DST: variants seen among roughly 807,000 people sequenced by gnomAD.
DST encodes bullous pemphigoid antigen.
A neutral mutation model predicts 875.2 loss-of-function variants in DST; 253 were observed. The observed-to-expected ratio is 0.29, with a 90% CI of 0.26 to 0.32. The LOEUF is 0.32. Ranked by LOEUF, DST falls within the 10% of genes least tolerant of loss-of-function variation. The probability of loss-of-function intolerance (pLI) is 1.00; values close to 1 mark genes in which losing one functional copy is unlikely to be tolerated. For synonymous variants in DST, 3,124 were observed against 3,197.1 expected (o/e 0.98, Z 0.77); for missense variants, 8,287 against 9,111.6 (o/e 0.91, Z 3.68).
In DST at chr6:56,482,796, G is replaced by C. The variant is rs752231990; in HGVS notation, c.21289C>G (p.Arg7097Gly). 6 of 1,613,624 alleles carry C rather than the reference G, an allele frequency of 3.7e-6. No individual in the cohort carries two copies. In the Admixed American group the frequency reaches 5.0e-5, roughly 13 times the overall value. Residue 7097 changes from arginine (R) to glycine (G), a missense_variant, in exon 89 of 104, where the codon CGG (arginine) becomes GGG (glycine). Around this residue, in one of 10 missense-constraint regions of DST, gnomAD observed 1,292 missense variants for 1,552.7 expected, o/e 0.83. Transcript: ENST00000680361. ...RSARELIEGS[R>G]DDSSWVKVQM... The stretch of plus-strand genomic sequence containing the variant: ...ACCTTGACCCAGGAGGAGTCATCCC[G>C]ACTGCCTTCTATGAGTTCTCGGGCT...
chr6:56,644,361 G>A (rs1365213922), intron 15 of DST, among the ~76,000 whole-genome samples: 3 of 152,104 alleles, frequency 2.0e-5, no homozygotes, highest in African/African-American at 7.2e-5. Context: ...GGACTGACAG[G>A]TTAGACATGC....
chr6:56,569,498 T>C (rs191849401), intron 54 of DST, among the ~76,000 whole-genome samples: 54 of 152,232 alleles, frequency 3.5e-4, no homozygotes, highest in African/African-American at 1.3e-3. Flanking sequence ...TAGTAATATA[T>C]ACAAGCTAGA....
chr6:56,618,401 A>G (rs2098651024), intron 36 of DST: 1 of 1,614,162 alleles, frequency 6.2e-7, no homozygotes, highest in East Asian at 2.2e-5. Context: ...ATCTGGTTTG[A>G]AGGTACAGTC....
rs386407168 is a variant in DST at position 56,474,960 on chromosome 6, C to CAAAAA, written c.21865-963_21865-959dup. The stretch of plus-strand genomic sequence containing the variant: ...GGCAACAGAGTGAGACCCTGCCTCT[C>CAAAAA]AAAAAAAAAAAAAAAAAAAAAAAAA... On this transcript the variant is annotated intron_variant, in intron 92 of 103. Coordinates refer to ENST00000680361, the MANE Select transcript of DST (RefSeq NM_001374736.1). Among the ~76,000 whole-genome samples the CAAAAA allele has an allele frequency of 6.7e-4, 21 of 31,336 alleles. 2 individuals are homozygous for CAAAAA. The highest frequency in any genetic ancestry group is 1.5e-3 in the African/African-American group (15 of 9,684). The allele number at this position is 31,336 out of a possible 152,430, so 20.6% of individuals were successfully genotyped here.
chr6:56,619,429 C>A (rs756756222), intron 36 of DST: 3 of 1,612,740 alleles, frequency 1.9e-6, no homozygotes, highest in Non-Finnish European at 2.5e-6. Context: ...CATGGCTTTT[C>A]TCAAATTGTT....
intron 9 of DST, among the ~76,000 whole-genome samples, chr6:56,681,041 T>C (rs2099154763): frequency 6.6e-6 from 1 of 152,142 alleles, no homozygotes; most frequent in African/African-American, 2.4e-5. Context: ...TAGGTAGAAG[T>C]CAAATTTGAA....
At chr6:56,524,469 G>T (rs906530868) in intron 69 of DST, among the ~76,000 whole-genome samples, 1 of 152,070 alleles carries the variant, frequency 6.6e-6, no homozygotes, top group African/African-American at 2.4e-5. Flanking sequence ...AATTTATGAG[G>T]AGGCACAGCA....
At chr6:56,486,987 G>A (rs2095592356) in intron 87 of DST, 117 bp downstream of exon 87, 3 of 930,570 alleles carry the variant, frequency 3.2e-6, no homozygotes, top group Non-Finnish European at 4.8e-6. Context: ...AGGACAAGCA[G>A]AAGTTCCTCA....
At position 56,600,156 on chromosome 6, in the gene DST, T is replaced by C. The variant is rs770169833; in HGVS notation, c.11607A>G (p.Gln3869=). The change falls in exon 45 of 104, where the codon CAA becomes CAG. Residue 3869 remains glutamine, a synonymous_variant. Transcript: ENST00000680361. ...GGTGACCAATTAGGCGGTTTTCAGT[T>C]TGGGTAAGAAGATCACATATCCCTT... ...KLQGICDLLT[Q]TENRLIGHQE... is the part of the protein sequence containing the mutation. The C allele has an allele frequency of 3.7e-6, 6 of 1,613,142 alleles. No individual in the cohort carries two copies. The highest frequency in any genetic ancestry group is 5.1e-6 in the Non-Finnish European group (6 of 1,179,262).
Position 56,655,160 on chromosome 6 carries a change from CAAAAAAAAAAAAA to C in DST, c.1215-3929_1215-3917del, listed in dbSNP as rs11365303. 1.7e-3 allele frequency among the ~76,000 whole-genome samples: 97 copies of C among 57,358 alleles called. 1 individual carries two copies. Among genetic ancestry groups the C allele is most frequent in the South Asian group, 0.017 (26 of 1,550 alleles). 37.6% of individuals were successfully genotyped at this position (57,358 alleles called of 152,430 possible). A position where few individuals can be genotyped will look rare whatever the true frequency, so the allele number is the denominator to read the frequency against. On this transcript the variant is annotated intron_variant, in intron 10 of 103. Coordinates refer to ENST00000680361, the MANE Select transcript of DST (RefSeq NM_001374736.1). The stretch of plus-strand genomic sequence containing the variant: ...TGGGTGACAGAGCGAGACTTTGCCT[CAAAAAAAAAAAAA>C]AAAAAAAAAAGATTAGCACAACAGA...
chr6:56,493,093 C>T lies in DST; in HGVS notation c.20395-4G>A, dbSNP rs1298946556. ...TGAGAGCCTCTTCCAGTTTAGTCTG[C>T]AAGGACAGATTGTTTAGTATGTGAT... On this transcript the variant is annotated splice_region_variant and splice_polypyrimidine_tract_variant and intron_variant, in intron 83 of 103. Transcript: ENST00000680361. The T allele has an allele frequency of 5.6e-6, 9 of 1,607,622 alleles. No homozygotes were observed. Among genetic ancestry groups the T allele is most frequent in the African/African-American group, 1.3e-5 (1 of 74,808 alleles).
intron 33 of DST, among the ~76,000 whole-genome samples, chr6:56,627,632 CA>C (rs954491434): frequency 6.6e-6 from 1 of 152,118 alleles, no homozygotes; most frequent in Non-Finnish European, 1.5e-5. Context: ...AACTTTCTGT[CA>C]AATGTGGTAT....
At chr6:56,779,398 A>G (rs1156990858) in intron 4 of DST, among the ~76,000 whole-genome samples, 1 of 151,976 alleles carries the variant, frequency 6.6e-6, no homozygotes, top group Non-Finnish European at 1.5e-5. Flanking sequence ...AATAGATCCC[A>G]TTTGTCAATT....
intron 98 of DST, 59 bp from the exon 99 acceptor site, chr6:56,466,254 T>C (rs2094571283): frequency 4.1e-6 from 5 of 1,227,370 alleles, no homozygotes; most frequent in Non-Finnish European, 5.5e-6. Flanking sequence ...AACTACAGGA[T>C]GATGTGCAAT....
rs2098474462 is a variant in DST at position 56,604,323 on chromosome 6, G to T, written c.10305C>A (p.Phe3435Leu). The part of the protein sequence containing the change: ...ELKPESRDDP[F>L]CIGNLKSELL... Reference sequence around the variant, plus strand: ...GCTCAGACTTAAGATTTCCAATACAGAAAGGATCATCTCTACTTTCTGGCT... The same window carrying T: ...GCTCAGACTTAAGATTTCCAATACATAAAGGATCATCTCTACTTTCTGGCT... The change falls in exon 40 of 104, where the codon TTC becomes TTA. Residue 3435 changes from phenylalanine (F) to leucine (L), a missense_variant. Physicochemically the swap from Phe to Leu is conservative, Grantham distance 22 (BLOSUM62 0). Around this residue, in one of 10 missense-constraint regions of DST, gnomAD observed 3,138 missense variants for 3,116.6 expected, o/e 1.01. Transcript: ENST00000680361. The T allele has an allele frequency of 1.2e-6, 2 of 1,612,300 alleles. No homozygotes were observed. Among genetic ancestry groups the T allele is most frequent in the Non-Finnish European group, 1.7e-6 (2 of 1,179,098 alleles).
chr6:56,591,775 C>T (rs1003649150), intron 49 of DST, among the ~76,000 whole-genome samples: 7 of 151,912 alleles, frequency 4.6e-5, no homozygotes, highest in African/African-American at 1.7e-4. Context: ...GAGTTCAAGA[C>T]CAGCCCAGCC....
intron 4 of DST, among the ~76,000 whole-genome samples, chr6:56,787,910 G>A (rs1030365120): frequency 2.6e-5 from 4 of 151,756 alleles, no homozygotes; most frequent in African/African-American, 4.8e-5. Flanking sequence ...AGGCCAAGGC[G>A]GGTGGATCAC....
rs41267671 is a variant in DST, at chr6:56,640,044, C to T, written c.2504G>A (p.Arg835His). 1.2e-3 allele frequency: 1,950 copies of T among 1,613,982 alleles called. 2 individuals are homozygous for T. The highest frequency in any genetic ancestry group is 1.6e-3 in the Non-Finnish European group (1,846 of 1,179,930). The stretch of plus-strand genomic sequence containing the variant: ...TGGCAAATCTGAGCCCCACTCAGTG[C>T]GGTCCAGTTGTACCTTCAGACAGTA... Reference protein sequence around the residue: ...WVDEMQVQLDRTEWGSDLPSV... With the variant: ...WVDEMQVQLDHTEWGSDLPSV... Residue 835 changes from arginine to histidine, a missense_variant, in exon 19 of 104, where the codon CGC becomes CAC. Physicochemically the swap from Arg to His is conservative, Grantham distance 29. This residue lies in a region of DST where 1,160 missense variants were observed against 1,424.3 expected (regional missense o/e 0.81). Coordinates refer to ENST00000680361, the MANE Select transcript of DST (RefSeq NM_001374736.1).
At chr6:56,525,628 A>G (rs2096783823) in intron 69 of DST, among the ~76,000 whole-genome samples, 1 of 152,230 alleles carries the variant, frequency 6.6e-6, no homozygotes, top group Non-Finnish European at 1.5e-5. Context: ...GTACAGTGCA[A>G]TATCATACTA....
Sources: gnomAD v4.1 joint callset for allele counts (sites outside exome capture counted in the v4.1 genomes callset) on GRCh38, gnomAD v4.1.1 for gene constraint, gnomAD v4.1.1 regional missense constraint, MANE v1.5 for transcripts, NCBI Gene and HGNC (gene_info 2026-07-23, HGNC 2026-07-21) for gene names.